Variants in ZBTB18 observed in about 807,000 individuals in gnomAD.
ZBTB18 encodes zinc finger and BTB domain containing 18.
In ZBTB18, 2 loss-of-function variants were observed where a neutral mutation model predicts 37.7. The ratio of observed to expected loss-of-function variants is 0.05; its 90% CI spans 0.02 to 0.17. The LOEUF (loss-of-function observed/expected upper bound fraction) is 0.17, where lower values mean the gene tolerates loss of function less well. ZBTB18 is among the 10% of genes least tolerant of loss of function. The pLI, the probability that ZBTB18 is intolerant of heterozygous loss-of-function variation, is 1.00. For synonymous variants in ZBTB18, 304 were observed against 276.5 expected (o/e 1.10, Z -0.99); for missense variants, 408 against 686.3 (o/e 0.59, Z 4.53).
chr1:244,049,468 G>A (rs1698305062), upstream of ZBTB18, among the ~76,000 whole-genome samples: 2 of 151,300 alleles, frequency 1.3e-5, no homozygotes, highest in Admixed American at 1.3e-4. Flanking sequence ...GGGCCGGCGG[G>A]GGAGGGGGCC....
upstream of ZBTB18, chr1:244,048,925 G>A: frequency 1.2e-5 from 2 of 161,328 alleles, no homozygotes; most frequent in Non-Finnish European, 2.6e-5. Flanking sequence ...GGCGGCGGCC[G>A]GGAGGAGGAG....
chr1:244,055,026 G>A lies in ZBTB18; in HGVS notation c.1252G>A (p.Val418Met), dbSNP rs953966532. 1.2e-6 allele frequency: 2 copies of A among 1,614,188 alleles called. No homozygotes were observed. Among genetic ancestry groups the A allele is most frequent in the Admixed American group, 1.7e-5 (1 of 60,030 alleles). Residue 418 changes from valine to methionine, a missense_variant, in exon 2 of 2, where the codon GTG becomes ATG. Physicochemically the swap from Val to Met is conservative, Grantham distance 21. Around this residue, in one of 4 missense-constraint regions of ZBTB18, gnomAD observed 25 missense variants for 117.3 expected, o/e 0.21. Coordinates refer to ENST00000358704, the MANE Select transcript of ZBTB18 (RefSeq NM_205768.3). The surrounding 1 kb of genome is among the most constrained non-coding windows in gnomAD (Gnocchi z 7.0). ...IRSKPAADVN[V>M]PTCSLCGKTF... Reference sequence around the variant, plus strand: ...CAGCAAGCCCGCCGCCGATGTCAACGTGCCCACGTGCTCGCTGTGTGGGAA... The same window carrying A: ...CAGCAAGCCCGCCGCCGATGTCAACATGCCCACGTGCTCGCTGTGTGGGAA...
upstream of ZBTB18, among the ~76,000 whole-genome samples, chr1:244,050,387 G>A (rs1378598532): frequency 4.6e-5 from 7 of 151,312 alleles, no homozygotes; most frequent in Admixed American, 4.6e-4. Context: ...ACTAGACCTG[G>A]CTTCCCCCCA....
chr1:244,054,173 G>A lies in ZBTB18; in HGVS notation c.399G>A (p.Glu133=), dbSNP rs1698406424. 1 of 1,614,110 alleles carries A rather than the reference G, an allele frequency of 6.2e-7. No individual in the cohort carries two copies. The highest frequency in any genetic ancestry group is 8.5e-7 in the Non-Finnish European group (1 of 1,180,028). Residue 133 remains glutamate, a synonymous_variant, in exon 2 of 2, where the codon GAG becomes GAA. Coordinates refer to ENST00000358704, the MANE Select transcript of ZBTB18 (RefSeq NM_205768.3). The surrounding 1 kb of genome is among the most constrained non-coding windows in gnomAD (Gnocchi z 9.0). The part of the protein sequence containing the change: ...KKKLKEKATT[E]ADSTKKEEDA... ...AGCTGAAAGAGAAAGCCACCACGGA[G>A]GCAGACAGCACCAAAAAGGAAGAAG... is the stretch of plus-strand genomic sequence containing the variant.
rs1270587723 is a variant in ZBTB18, at chr1:244,056,532, A to T, written c.*1162A>T. ...GCCAGCTCAGAGTTTAGGTGTACACATTTACCCAGTTGAGCGTTCTTAGAA... is the reference window on the plus strand; with the variant it reads ...GCCAGCTCAGAGTTTAGGTGTACACTTTTACCCAGTTGAGCGTTCTTAGAA... On this transcript the variant is annotated 3_prime_UTR_variant, in exon 2 of 2. Coordinates refer to ENST00000358704, the MANE Select transcript of ZBTB18 (RefSeq NM_205768.3). 1 of 167,094 alleles carries T rather than the reference A, an allele frequency of 6.0e-6. No individual in the cohort carries two copies. Among genetic ancestry groups the T allele is most frequent in the Non-Finnish European group, 1.5e-5 (1 of 68,130 alleles). 10.4% of individuals were successfully genotyped at this position (167,094 alleles called of 1,614,324 possible). A position where few individuals can be genotyped will look rare whatever the true frequency, so the allele number is the denominator to read the frequency against.
chr1:244,054,462 T>G lies in ZBTB18; in HGVS notation c.688T>G (p.Ser230Ala), dbSNP rs1234178249. 6.2e-7 allele frequency: 1 copy of G among 1,613,852 alleles called. No homozygotes were observed. The highest frequency in any genetic ancestry group is 1.7e-5 in the Admixed American group (1 of 60,006). Residue 230 changes from serine to alanine, a missense_variant, in exon 2 of 2, where the codon TCT becomes GCT. Coordinates refer to ENST00000358704, the MANE Select transcript of ZBTB18 (RefSeq NM_205768.3). This position sits in a 1 kb window ranked among gnomAD's most constrained non-coding sequence, Gnocchi z 9.0. ...TVASPCSSTE[S>A]LSQRSVTSVR... ...AGCCAGCCCCTGCAGCTCAACAGAG[T>G]CTTTGTCCCAGAGGTCTGTCACCTC...
Position 244,057,054 on chromosome 1 carries a change from T to G in ZBTB18, c.*1684T>G, listed in dbSNP as rs1333794606. 1 of 167,034 alleles carries G rather than the reference T, an allele frequency of 6.0e-6. No individual in the cohort carries two copies. The highest frequency in any genetic ancestry group is 1.5e-5 in the Non-Finnish European group (1 of 68,114). 10.3% of individuals were successfully genotyped at this position (167,034 alleles called of 1,614,324 possible). ...GTTGCTGGACTGTTTTGGAAATATTTGGTTAAATGTGTGTTAATTTGGCTG... is the reference window on the plus strand; with the variant it reads ...GTTGCTGGACTGTTTTGGAAATATTGGGTTAAATGTGTGTTAATTTGGCTG... On this transcript the variant is annotated 3_prime_UTR_variant, in exon 2 of 2. Coordinates refer to ENST00000358704, the MANE Select transcript of ZBTB18 (RefSeq NM_205768.3).
At chr1:244,048,495 G>A (rs771461927), upstream of ZBTB18, among the ~76,000 whole-genome samples, 246 of 151,932 alleles carry the variant, frequency 1.6e-3, 1 homozygote, top group Admixed American at 2.8e-3. Flanking sequence ...AATCGCAGAA[G>A]CCCAACGCCC....
At position 244,054,615 on chromosome 1, in the gene ZBTB18, G is replaced by A. The variant is rs1698417636; in HGVS notation, c.841G>A (p.Val281Met). The change falls in exon 2 of 2, where the codon GTG becomes ATG. Residue 281 changes from valine to methionine, a missense_variant. By Grantham distance (21) the Val-to-Met change is conservative (BLOSUM62 1). This residue lies in a region of ZBTB18 where 266 missense variants were observed against 312.0 expected (regional missense o/e 0.85). Coordinates refer to ENST00000358704, the MANE Select transcript of ZBTB18 (RefSeq NM_205768.3). The surrounding 1 kb of genome is among the most constrained non-coding windows in gnomAD (Gnocchi z 9.0). ...QDVLRSNLVQVKVEKEASCDE... is the reference protein window; with the variant it reads ...QDVLRSNLVQMKVEKEASCDE... The stretch of plus-strand genomic sequence containing the variant: ...CGTGCTGAGAAGCAACCTGGTGCAG[G>A]TGAAGGTGGAGAAAGAGGCTTCCTG... 2 of 1,614,226 alleles carry A rather than the reference G, an allele frequency of 1.2e-6. No individual in the cohort carries two copies. The highest frequency in any genetic ancestry group is 1.7e-6 in the Non-Finnish European group (2 of 1,180,040).
chr1:244,055,443 T>G lies in ZBTB18; in HGVS notation c.*73T>G. On this transcript the variant is annotated 3_prime_UTR_variant, in exon 2 of 2. Coordinates refer to ENST00000358704, the MANE Select transcript of ZBTB18 (RefSeq NM_205768.3). This position sits in a 1 kb window ranked among gnomAD's most constrained non-coding sequence, Gnocchi z 7.0. ...AGATCTCTATATAGTTGTGGTACGG[T>G]CTAAAAGCAGTCTTGTTTCCTGGAA... 90 of 538,058 alleles carry G rather than the reference T, an allele frequency of 1.7e-4. No individual in the cohort carries two copies. The highest frequency in any genetic ancestry group is 2.1e-4 in the Non-Finnish European group (81 of 381,004). 33.3% of individuals were successfully genotyped at this position (538,058 alleles called of 1,614,324 possible).
At chr1:244,048,762 C>G (rs971630692), upstream of ZBTB18, among the ~76,000 whole-genome samples, 2 of 146,752 alleles carry the variant, frequency 1.4e-5, no homozygotes, top group Admixed American at 6.7e-5. Flanking sequence ...GAGTGGGGCC[C>G]TCTTCGCTCC....
rs1337394012 is a variant in ZBTB18, at chr1:244,054,980, C to A, written c.1206C>A (p.Phe402Leu). The A allele has an allele frequency of 6.2e-7, 1 of 1,614,096 alleles. No homozygotes were observed. The highest frequency in any genetic ancestry group is 2.2e-5 in the East Asian group (1 of 44,878). ...HILQIHLSTH[F>L]REQDGIRSKP... The stretch of plus-strand genomic sequence containing the variant: ...TGCAGATCCACCTGAGCACGCACTT[C>A]CGCGAGCAGGACGGCATCCGCAGCA... The change falls in exon 2 of 2, where the codon TTC becomes TTA. Residue 402 changes from phenylalanine to leucine, a missense_variant. Coordinates refer to ENST00000358704, the MANE Select transcript of ZBTB18 (RefSeq NM_205768.3). This position sits in a 1 kb window ranked among gnomAD's most constrained non-coding sequence, Gnocchi z 9.0.
chr1:244,051,299 TG>T lies in ZBTB18; in HGVS notation c.-131del. On this transcript the variant is annotated 5_prime_UTR_variant, in exon 1 of 2. Coordinates refer to ENST00000358704, the MANE Select transcript of ZBTB18 (RefSeq NM_205768.3). ...CAGGGAGTTAGTGTGTGCGGATCTGTGGTGGAGAAGGTATCTCATTCCTCTC... is the reference window on the plus strand; with the variant it reads ...CAGGGAGTTAGTGTGTGCGGATCTGTGTGGAGAAGGTATCTCATTCCTCTC... 1 of 910,704 alleles carries T rather than the reference TG, an allele frequency of 1.1e-6. No homozygotes were observed. Among genetic ancestry groups the T allele is most frequent in the Non-Finnish European group, 1.7e-6 (1 of 575,290 alleles). The allele number at this position is 910,704 out of a possible 1,614,324, so 56.4% of individuals were successfully genotyped here. A position where few individuals can be genotyped will look rare whatever the true frequency, so the allele number is the denominator to read the frequency against.
Position 244,054,064 on chromosome 1 carries a change from A to G in ZBTB18, c.290A>G (p.Gln97Arg), listed in dbSNP as rs770109839. Residue 97 changes from glutamine to arginine, a missense_variant, in exon 2 of 2, where the codon CAG (glutamine) becomes CGG (arginine). Transcript: ENST00000358704. This position sits in a 1 kb window ranked among gnomAD's most constrained non-coding sequence, Gnocchi z 9.0. ...GAATTCATGTATGAAGGGAAACTCC[A>G]GTTCAAAGACTTGCCCATTGAAGAC... is the stretch of plus-strand genomic sequence containing the variant. ...LLEFMYEGKL[Q>R]FKDLPIEDVL... The G allele has an allele frequency of 1.9e-6, 3 of 1,614,148 alleles. No homozygotes were observed. The highest frequency in any genetic ancestry group is 3.3e-5 in the Admixed American group (2 of 60,028).
rs1238931672 is a variant in ZBTB18 at position 244,054,519 on chromosome 1, C to G, written c.745C>G (p.Leu249Val). 1 of 1,614,224 alleles carries G rather than the reference C, an allele frequency of 6.2e-7. No homozygotes were observed. Among genetic ancestry groups the G allele is most frequent in the Non-Finnish European group, 8.5e-7 (1 of 1,180,036 alleles). Reference sequence around the variant, plus strand: ...GGATTCGGCAGATGTTGACTGTGTGCTGGACCTGTCTGTCAAGTCCAGCCT... The same window carrying G: ...GGATTCGGCAGATGTTGACTGTGTGGTGGACCTGTCTGTCAAGTCCAGCCT... ...VRDSADVDCV[L>V]DLSVKSSLSG... Residue 249 changes from leucine (L) to valine (V), a missense_variant, in exon 2 of 2, where the codon CTG becomes GTG. Physicochemically the swap from Leu to Val is conservative, Grantham distance 32. Coordinates refer to ENST00000358704, the MANE Select transcript of ZBTB18 (RefSeq NM_205768.3). This position sits in a 1 kb window ranked among gnomAD's most constrained non-coding sequence, Gnocchi z 9.0.
chr1:244,050,701 T>G (rs1389548231), upstream of ZBTB18, among the ~76,000 whole-genome samples: 1 of 152,170 alleles, frequency 6.6e-6, no homozygotes, highest in Non-Finnish European at 1.5e-5. Context: ...AAGGTAGTTG[T>G]AGATAAGTAA....
At position 244,056,414 on chromosome 1, in the gene ZBTB18, C is replaced by T. The variant is rs1194833954; in HGVS notation, c.*1044C>T. 1 of 167,042 alleles carries T rather than the reference C, an allele frequency of 6.0e-6. No individual in the cohort carries two copies. The highest frequency in any genetic ancestry group is 1.5e-5 in the Non-Finnish European group (1 of 68,102). 10.3% of individuals were successfully genotyped at this position (167,042 alleles called of 1,614,324 possible). ...AAGCTGCAAATTGATAACTTCGCTA[C>T]ATAACAAGGAAAATATAAATGTTTA... On this transcript the variant is annotated 3_prime_UTR_variant, in exon 2 of 2. Coordinates refer to ENST00000358704, the MANE Select transcript of ZBTB18 (RefSeq NM_205768.3).
chr1:244,055,003 G>A lies in ZBTB18; in HGVS notation c.1229G>A (p.Ser410Asn). The change falls in exon 2 of 2, where the codon AGC (serine) becomes AAC (asparagine). Residue 410 changes from serine (S) to asparagine (N), a missense_variant. Ser to Asn is a conservative substitution (Grantham distance 46). Coordinates refer to ENST00000358704, the MANE Select transcript of ZBTB18 (RefSeq NM_205768.3). This position sits in a 1 kb window ranked among gnomAD's most constrained non-coding sequence, Gnocchi z 7.0. Reference sequence around the variant, plus strand: ...TTCCGCGAGCAGGACGGCATCCGCAGCAAGCCCGCCGCCGATGTCAACGTG... The same window carrying A: ...TTCCGCGAGCAGGACGGCATCCGCAACAAGCCCGCCGCCGATGTCAACGTG... ...THFREQDGIR[S>N]KPAADVNVPT... The A allele has an allele frequency of 6.2e-7, 1 of 1,614,132 alleles. No homozygotes were observed. Among genetic ancestry groups the A allele is most frequent in the Non-Finnish European group, 8.5e-7 (1 of 1,180,044 alleles).
chr1:244,049,545 A>G (rs1487280542), upstream of ZBTB18, among the ~76,000 whole-genome samples: 4 of 151,872 alleles, frequency 2.6e-5, no homozygotes, highest in African/African-American at 7.2e-5. Context: ...GGGAAGCGGT[A>G]GCAACCACTC....
Sources: gnomAD v4.1 joint callset for allele counts (sites outside exome capture counted in the v4.1 genomes callset) on GRCh38, gnomAD v4.1.1 for gene constraint, gnomAD v4.1.1 regional missense constraint, Gnocchi (gnomAD v3.1) non-coding constraint, MANE v1.5 for transcripts, NCBI Gene and HGNC (gene_info 2026-07-23, HGNC 2026-07-21) for gene names.